TRDN: variants seen among roughly 807,000 people sequenced by gnomAD.
TRDN encodes the protein triadin.
Under a neutral mutation model 149.7 loss-of-function variants are expected in TRDN, and 161 were observed. That is an observed-to-expected ratio of 1.08 (90% CI 0.95 to 1.23). The LOEUF (loss-of-function observed/expected upper bound fraction) is 1.23, where lower values mean the gene tolerates loss of function less well. Among genes scored for constraint, TRDN ranks in the 50% most tolerant of loss-of-function variants. The pLI is 0.00. For missense variants in TRDN, 896 were observed against 823.5 expected, an observed-to-expected ratio of 1.09 and a Z score of -1.08; for synonymous variants, 294 against 250.5, an observed-to-expected ratio of 1.17 and a Z score of -1.64.
At chr6:123,290,687 G>T (rs1052046050) in intron 24 of TRDN, among the ~76,000 whole-genome samples, 1 of 152,178 alleles carries the variant, frequency 6.6e-6, no homozygotes, top group Non-Finnish European at 1.5e-5. Flanking sequence ...GTCAATGTCT[G>T]CTGGGCAGTT....
At chr6:123,282,016 C>T (rs1012400963) in intron 24 of TRDN, among the ~76,000 whole-genome samples, 6 of 151,740 alleles carry the variant, frequency 4.0e-5, no homozygotes, top group Non-Finnish European at 1.5e-5. Context: ...TTATCCTGGG[C>T]CCTAATCCAA....
intron 24 of TRDN, among the ~76,000 whole-genome samples, chr6:123,299,261 G>T (rs955243957): frequency 2.0e-5 from 3 of 152,020 alleles, no homozygotes; most frequent in African/African-American, 7.2e-5. Context: ...GGGGTGAAGG[G>T]TTTGTGAGAA....
intron 32 of TRDN, among the ~76,000 whole-genome samples, chr6:123,266,234 T>TATATATAGTA (rs1491470674): frequency 1.2e-4 from 4 of 34,436 alleles, no homozygotes; most frequent in African/African-American, 6.7e-4. Flanking sequence ...TATTATATAT[T>TATATATAGTA]ATATATATTA....
chr6:123,434,387 T>G (rs905488001), intron 12 of TRDN, among the ~76,000 whole-genome samples: 1 of 152,178 alleles, frequency 6.6e-6, no homozygotes, highest in African/African-American at 2.4e-5. Context: ...GATGAATGAT[T>G]TGGCAAATGA....
intron 38 of TRDN, among the ~76,000 whole-genome samples, chr6:123,233,775 TC>T (rs1775694255): frequency 6.6e-6 from 1 of 152,046 alleles, no homozygotes; most frequent in East Asian, 1.9e-4. Context: ...TTGTTTTAAA[TC>T]CAAGCAAAAA....
intron 38 of TRDN, among the ~76,000 whole-genome samples, chr6:123,239,497 T>A (rs1775909798): frequency 1.3e-5 from 2 of 152,144 alleles, no homozygotes; most frequent in South Asian, 4.1e-4. Context: ...ACTAATATAT[T>A]AGTTCACAAG....
intron 24 of TRDN, among the ~76,000 whole-genome samples, chr6:123,305,587 C>T (rs1016804869): frequency 1.2e-4 from 19 of 152,204 alleles, no homozygotes; most frequent in East Asian, 3.9e-4. Flanking sequence ...CCTGATGCCA[C>T]GACCAAAGAC....
intron 21 of TRDN, 170 bp downstream of exon 21, chr6:123,352,369 C>A: frequency 1.0e-6 from 1 of 984,990 alleles, no homozygotes; most frequent in Non-Finnish European, 1.2e-6. Context: ...AAAGACCAAC[C>A]CAGATTGCTG....
chr6:123,352,102 C>T (rs1469919687), intron 21 of TRDN: 1 of 980,126 alleles, frequency 1.0e-6, no homozygotes, highest in East Asian at 1.1e-4. Flanking sequence ...CTGTTATTTT[C>T]TTCATTTTAA....
At chr6:123,420,864 T>C (rs1256001267) in intron 12 of TRDN, among the ~76,000 whole-genome samples, 1 of 152,230 alleles carries the variant, frequency 6.6e-6, no homozygotes, top group Non-Finnish European at 1.5e-5. Flanking sequence ...TTAATTGTTG[T>C]TAAATGCCAA....
intron 18 of TRDN, 148 bp downstream of exon 18, chr6:123,377,568 T>C: frequency 1.2e-6 from 1 of 857,666 alleles, no homozygotes; most frequent in South Asian, 1.7e-5. Flanking sequence ...ATTGATGTTA[T>C]GTCCATGTCA....
intron 14 of TRDN, among the ~76,000 whole-genome samples, chr6:123,387,744 T>A (rs1370325033): frequency 6.6e-6 from 1 of 152,044 alleles, no homozygotes; most frequent in Non-Finnish European, 1.5e-5. Flanking sequence ...CAATGTGAGA[T>A]CACAAATAAA....
In TRDN at chr6:123,559,487, C is replaced by T. The variant is rs80261483; in HGVS notation, c.233-10875G>A. On this transcript the variant is annotated intron_variant, in intron 2 of 40. Coordinates refer to ENST00000334268, the MANE Select transcript of TRDN (RefSeq NM_006073.4). ...TCTTCCCAATCCAAAGCCTCCTTTG[C>T]GTGCTCCTCTTGTATTCCCCCCACT... Among the ~76,000 whole-genome samples the T allele has an allele frequency of 2.0e-4, 30 of 152,196 alleles. 1 individual carries two copies. The highest frequency in any genetic ancestry group is 6.0e-4 in the African/African-American group (25 of 41,502).
chr6:123,499,719 A>AAAAAAAAAAAAAATATATAT, intron 8 of TRDN, among the ~76,000 whole-genome samples: 6 of 47,670 alleles, frequency 1.3e-4, no homozygotes, highest in African/African-American at 1.4e-4. Flanking sequence ...AAAAAAAAAA[A>AAAAAAAAAAAAAATATATAT]ATATATATAT....
At chr6:123,567,104 GT>G (rs751948829) in intron 2 of TRDN, among the ~76,000 whole-genome samples, 21 of 152,294 alleles carry the variant, frequency 1.4e-4, no homozygotes, top group Non-Finnish European at 2.5e-4. Context: ...AAATACTTCA[GT>G]CAATGCAAGC....
At chr6:123,624,368 G>A (rs1785544765) in intron 1 of TRDN, among the ~76,000 whole-genome samples, 1 of 152,130 alleles carries the variant, frequency 6.6e-6, no homozygotes, top group Non-Finnish European at 1.5e-5. Context: ...CAGAAACTGA[G>A]CAGTGAAATC....
At chr6:123,397,555 A>G (rs1772783687) in intron 12 of TRDN, among the ~76,000 whole-genome samples, 1 of 152,002 alleles carries the variant, frequency 6.6e-6, no homozygotes, top group Non-Finnish European at 1.5e-5. Context: ...ATAAAAATGA[A>G]AAAAAATCCA....
chr6:123,443,337 G>C (rs896718702), intron 10 of TRDN, among the ~76,000 whole-genome samples: 1 of 151,756 alleles, frequency 6.6e-6, no homozygotes, highest in Admixed American at 6.6e-5. Flanking sequence ...GAGGTGGCTT[G>C]GTTTTTAAAA....
chr6:123,377,770 T>C, intron 17 of TRDN, 28 bp from the exon 18 acceptor site: 1 of 1,612,240 alleles, frequency 6.2e-7, no homozygotes, highest in South Asian at 1.1e-5. Flanking sequence ...GAAAAAAAAA[T>C]CAGCATTCTA....
Sources: gnomAD v4.1 joint callset for allele counts (sites outside exome capture counted in the v4.1 genomes callset) on GRCh38, gnomAD v4.1.1 for gene constraint, MANE v1.5 for transcripts, NCBI Gene and HGNC (gene_info 2026-07-23, HGNC 2026-07-21) for gene names.